Variants in ZDHHC11B observed in about 807,000 individuals in gnomAD.
ZDHHC11B encodes the protein probable palmitoyltransferase ZDHHC11B.
Under a neutral mutation model 42.3 loss-of-function variants are expected in ZDHHC11B, and 17 were observed. The ratio of observed to expected loss-of-function variants is 0.40; its 90% CI spans 0.27 to 0.60. The LOEUF (loss-of-function observed/expected upper bound fraction) is 0.60, where lower values mean the gene tolerates loss of function less well. Ranked by LOEUF, ZDHHC11B falls within the 20% of genes least tolerant of loss-of-function variation. The pLI, the probability that ZDHHC11B is intolerant of heterozygous loss-of-function variation, is 0.41. For synonymous variants in ZDHHC11B, 123 were observed against 193.5 expected (o/e 0.64, Z 3.02); for missense variants, 262 against 463.2 (o/e 0.57, Z 3.99).
chr5:780,785 A>G (rs1317806490), intron 1 of ZDHHC11B, among the ~76,000 whole-genome samples: 1 of 151,936 alleles, frequency 6.6e-6, no homozygotes, highest in East Asian at 1.9e-4. Flanking sequence ...GGCTCTGTCC[A>G]TGGCCCAGGC....
intron 1 of ZDHHC11B, among the ~76,000 whole-genome samples, chr5:773,953 G>C (rs1736258822): frequency 6.6e-6 from 1 of 151,910 alleles, no homozygotes; most frequent in African/African-American, 2.4e-5. Flanking sequence ...CAGAAGATGA[G>C]GGCAGAGGTG....
chr5:710,599 T>TCCCATTTCACAGTACTGTGC lies in ZDHHC11B; in HGVS notation c.*1690_*1691insGCACAGTACTGTGAAATGGG, dbSNP rs1561104058. ...TGTGCTCCCATTTCACAGTACTGTGTGCTCCCATTTCTCAGTACTGGGCTC... is the reference window on the plus strand; with the variant it reads ...TGTGCTCCCATTTCACAGTACTGTGTCCCATTTCACAGTACTGTGCGCTCCCATTTCTCAGTACTGGGCTC... On this transcript the variant is annotated 3_prime_UTR_variant, in exon 14 of 14. Transcript: ENST00000508859. The TCCCATTTCACAGTACTGTGC allele has an allele frequency of 6.6e-6, 1 of 150,398 alleles. No individual in the cohort carries two copies. The highest frequency in any genetic ancestry group is 1.5e-5 in the Non-Finnish European group (1 of 66,756). 9.3% of individuals were successfully genotyped at this position (150,398 alleles called of 1,614,324 possible).
chr5:766,526 C>T (rs1240103794), intron 4 of ZDHHC11B, among the ~76,000 whole-genome samples, 172 bp downstream of exon 4: 5 of 151,832 alleles, frequency 3.3e-5, no homozygotes, highest in Non-Finnish European at 1.5e-5. Flanking sequence ...GCAGGGGCTG[C>T]ACAGAGCACG....
At chr5:764,109 A>G (rs1734968523) in intron 4 of ZDHHC11B, among the ~76,000 whole-genome samples, 2 of 151,918 alleles carry the variant, frequency 1.3e-5, no homozygotes, top group South Asian at 4.2e-4. Flanking sequence ...TCCAGCCCCT[A>G]CACCTCCCTG....
At position 776,909 on chromosome 5, in the gene ZDHHC11B, T is replaced by A. The variant is rs1189092326; in HGVS notation, c.-230+7759A>T. The stretch of plus-strand genomic sequence containing the variant: ...ACGGCCCTCCTGCTCCGCGGGACTC[T>A]CCCTGTGAACCGCCCCACTCTTCTC... On this transcript the variant is annotated intron_variant, in intron 1 of 13. Coordinates refer to ENST00000508859, the MANE Select transcript of ZDHHC11B (RefSeq NM_001351303.2). Among the ~76,000 whole-genome samples the A allele has an allele frequency of 4.8e-4, 73 of 151,988 alleles. 1 individual carries two copies. The highest frequency in any genetic ancestry group is 1.8e-3 in the African/African-American group (73 of 41,446).
In ZDHHC11B at chr5:754,165, A is replaced by G. The variant is rs372392657; in HGVS notation, c.503+833T>C. On this transcript the variant is annotated intron_variant, in intron 6 of 13. Coordinates refer to ENST00000508859, the MANE Select transcript of ZDHHC11B (RefSeq NM_001351303.2). ...CACCTCTCATCTATGAGCCTCCACCATGCTCAGGGGAAACATCTCTCGTCT... is the reference window on the plus strand; with the variant it reads ...CACCTCTCATCTATGAGCCTCCACCGTGCTCAGGGGAAACATCTCTCGTCT... 2.4e-3 allele frequency among the ~76,000 whole-genome samples: 246 copies of G among 101,290 alleles called. 14 individuals are homozygous for G. In the East Asian group the frequency reaches 0.025, roughly 10 times the overall value. The allele number at this position is 101,290 out of a possible 152,430, so 66.5% of individuals were successfully genotyped here.
At position 711,684 on chromosome 5, in the gene ZDHHC11B, C is replaced by T. The variant is rs1397740739; in HGVS notation, c.*606G>A. On this transcript the variant is annotated 3_prime_UTR_variant, in exon 14 of 14. Transcript: ENST00000508859. ...GCTCCCATTTCCCAGTACTGTGCTC[C>T]TATTCCCCAGTACTCTGTGCTCCCA... The T allele has an allele frequency of 6.6e-6, 1 of 152,164 alleles. No individual in the cohort carries two copies. Among genetic ancestry groups the T allele is most frequent in the Admixed American group, 6.8e-5 (1 of 14,716 alleles). The allele number at this position is 152,164 out of a possible 1,614,324, so 9.4% of individuals were successfully genotyped here. A position where few individuals can be genotyped will look rare whatever the true frequency, so the allele number is the denominator to read the frequency against.
At chr5:718,098 A>T (rs567204680) in intron 12 of ZDHHC11B, among the ~76,000 whole-genome samples, 1 of 152,042 alleles carries the variant, frequency 6.6e-6, no homozygotes, top group African/African-American at 2.4e-5. Flanking sequence ...ATTAATTTCA[A>T]ATGAAAATAA....
chr5:759,121 C>A (rs1734237494), intron 4 of ZDHHC11B, among the ~76,000 whole-genome samples: 2 of 151,846 alleles, frequency 1.3e-5, no homozygotes, highest in African/African-American at 4.8e-5. Flanking sequence ...GTCTCCCTTT[C>A]ATCACCCAAA....
intron 4 of ZDHHC11B, among the ~76,000 whole-genome samples, chr5:762,778 G>GT (rs1161182018): frequency 6.6e-6 from 1 of 151,252 alleles, no homozygotes; most frequent in Non-Finnish European, 1.5e-5. Flanking sequence ...TAAACCCAAG[G>GT]TCAGTTGAAG....
Position 717,141 on chromosome 5 carries a change from G to A in ZDHHC11B, c.1059-276C>T, listed in dbSNP as rs1261529501. Reference sequence around the variant, plus strand: ...TGATAAATAAGAGGGTCTTGTGGTAGCCAAGGAAGCTTGTTTGGATTTCCA... The same window carrying A: ...TGATAAATAAGAGGGTCTTGTGGTAACCAAGGAAGCTTGTTTGGATTTCCA... On this transcript the variant is annotated intron_variant, in intron 12 of 13. Transcript: ENST00000508859. Among the ~76,000 whole-genome samples the A allele has an allele frequency of 2.6e-5, 4 of 151,154 alleles. No homozygotes were observed. In the East Asian group the frequency reaches 5.8e-4, roughly 22 times the overall value.
At chr5:773,408 C>T (rs1310773922) in intron 1 of ZDHHC11B, among the ~76,000 whole-genome samples, 2 of 151,914 alleles carry the variant, frequency 1.3e-5, no homozygotes, top group Admixed American at 6.6e-5. Context: ...AGACAAACTG[C>T]TCACATGGGG....
chr5:778,399 C>T lies in ZDHHC11B; in HGVS notation c.-230+6269G>A, dbSNP rs17841876. 1.2e-4 allele frequency among the ~76,000 whole-genome samples: 18 copies of T among 148,262 alleles called. 1 individual carries two copies. The highest frequency in any genetic ancestry group is 4.7e-4 in the Admixed American group (7 of 14,800). On this transcript the variant is annotated intron_variant, in intron 1 of 13. Transcript: ENST00000508859. ...CACACCAGGTTAGAGGACACAGCCG[C>T]GGCTCTCAAGGGAGGCACAATGGGT...
chr5:769,800 G>A (rs1177468188), intron 1 of ZDHHC11B, among the ~76,000 whole-genome samples: 1 of 151,878 alleles, frequency 6.6e-6, no homozygotes, highest in Non-Finnish European at 1.5e-5. Context: ...TCAAGGAGCA[G>A]GGTGGGCCAG....
intron 11 of ZDHHC11B, chr5:732,339 C>T (rs1743078160): frequency 4.7e-6 from 1 of 210,792 alleles, no homozygotes; most frequent in African/African-American, 2.3e-5. Context: ...ACTATTCATC[C>T]ACACATAGAT....
chr5:784,653 C>T lies in ZDHHC11B; in HGVS notation c.-230+15G>A, dbSNP rs1313448125. Among the ~76,000 whole-genome samples, 74 of 151,068 alleles carry T rather than the reference C, an allele frequency of 4.9e-4. No individual in the cohort carries two copies. The highest frequency in any genetic ancestry group is 1.7e-3 in the African/African-American group (68 of 41,196). The stretch of plus-strand genomic sequence containing the variant: ...CCGCGCCGCGCCCGCAGGACCGAGC[C>T]CCGCGCCCGCTTACCTTGGAGACGC... On this transcript the variant is annotated intron_variant, in intron 1 of 13. Coordinates refer to ENST00000508859, the MANE Select transcript of ZDHHC11B (RefSeq NM_001351303.2).
intron 1 of ZDHHC11B, among the ~76,000 whole-genome samples, chr5:778,037 G>C (rs1023964499): frequency 2.6e-5 from 4 of 151,890 alleles, no homozygotes; most frequent in African/African-American, 9.7e-5. Context: ...TGGGGGACCC[G>C]GCGCACCTCC....
At chr5:754,246 C>T (rs1477837328) in intron 6 of ZDHHC11B, among the ~76,000 whole-genome samples, 465 of 118,128 alleles carry the variant, frequency 3.9e-3, no homozygotes, top group Non-Finnish European at 5.7e-3. Flanking sequence ...CTCCACCGTG[C>T]TCAGGGGAAA....
At chr5:766,315 A>G (rs1430487633) in intron 4 of ZDHHC11B, among the ~76,000 whole-genome samples, 1 of 151,694 alleles carries the variant, frequency 6.6e-6, no homozygotes, top group Non-Finnish European at 1.5e-5. Flanking sequence ...CTGCCGCTGG[A>G]AGATGGGAGC....
Sources: gnomAD v4.1 joint callset for allele counts (sites outside exome capture counted in the v4.1 genomes callset) on GRCh38, gnomAD v4.1.1 for gene constraint, MANE v1.5 for transcripts, NCBI Gene and HGNC (gene_info 2026-07-23, HGNC 2026-07-21) for gene names.